Variants in ASTN2 observed in about 807,000 individuals in gnomAD.
ASTN2 encodes the protein astrotactin 2, also known as astrotactin-2.
In ASTN2, 54 loss-of-function variants were observed where a neutral mutation model predicts 139.8. The ratio of observed to expected loss-of-function variants is 0.39; its 90% CI spans 0.31 to 0.48. The LOEUF (loss-of-function observed/expected upper bound fraction) is 0.48, where lower values mean the gene tolerates loss of function less well. Among genes scored for constraint, ASTN2 ranks in the 20% least tolerant of loss-of-function variants. ASTN2 has a pLI of 0.95. For synonymous variants in ASTN2, 756 were observed against 719.5 expected (o/e 1.05, Z -0.81); for missense variants, 1,565 against 1,725.1 (o/e 0.91, Z 1.64).
chr9:117,224,771 C>T (rs1396887860), intron 2 of ASTN2, among the ~76,000 whole-genome samples: 1 of 152,152 alleles, frequency 6.6e-6, no homozygotes, highest in African/African-American at 2.4e-5. Context: ...ATCTGAAATA[C>T]CCTTCCCTCA....
At chr9:116,916,357 G>A (rs1834446433) in intron 10 of ASTN2, among the ~76,000 whole-genome samples, 1 of 152,150 alleles carries the variant, frequency 6.6e-6, no homozygotes, top group Admixed American at 6.5e-5. Context: ...GCTCAGAAAT[G>A]TCTCATCACA....
chr9:116,876,392 T>C (rs1433261164), intron 10 of ASTN2, among the ~76,000 whole-genome samples: 1 of 152,250 alleles, frequency 6.6e-6, no homozygotes, highest in Non-Finnish European at 1.5e-5. Flanking sequence ...GTGGTGAAGA[T>C]GCTGTGAATA....
chr9:117,372,468 T>C (rs925934903), intron 1 of ASTN2, among the ~76,000 whole-genome samples: 3 of 152,128 alleles, frequency 2.0e-5, no homozygotes, highest in Non-Finnish European at 2.9e-5. Context: ...GAATCCTGAA[T>C]TGGAAGGCTT....
intron 7 of ASTN2, among the ~76,000 whole-genome samples, chr9:117,002,548 T>C (rs892351791): frequency 1.3e-5 from 2 of 152,212 alleles, no homozygotes; most frequent in African/African-American, 4.8e-5. Flanking sequence ...TGCACAGTTG[T>C]TGGCGACCCA....
chr9:116,512,202 T>A (rs35990522), intron 19 of ASTN2, among the ~76,000 whole-genome samples: 7,564 of 152,286 alleles, frequency 0.05, 235 homozygotes, highest in Non-Finnish European at 0.069. Context: ...GTATGTTATG[T>A]CTTTGTTCTC....
At chr9:116,552,711 T>C (rs568044299) in intron 19 of ASTN2, among the ~76,000 whole-genome samples, 14 of 152,228 alleles carry the variant, frequency 9.2e-5, no homozygotes, top group African/African-American at 3.4e-4. Flanking sequence ...TGTTCTGGGG[T>C]AAAAAGCCCA....
At chr9:116,832,239 T>C (rs951184653) in intron 11 of ASTN2, among the ~76,000 whole-genome samples, 2 of 152,232 alleles carry the variant, frequency 1.3e-5, no homozygotes, top group Non-Finnish European at 2.9e-5. Context: ...AAATTTATTT[T>C]GTAGATTCCC....
intron 16 of ASTN2, among the ~76,000 whole-genome samples, chr9:116,678,775 C>A (rs377437320): frequency 2.6e-5 from 4 of 151,948 alleles, no homozygotes; most frequent in Non-Finnish European, 2.9e-5. Flanking sequence ...GTCTGAATAA[C>A]CAGGTTTTCT....
intron 12 of ASTN2, among the ~76,000 whole-genome samples, chr9:116,816,116 C>T (rs971590013): frequency 6.6e-6 from 1 of 152,098 alleles, no homozygotes; most frequent in African/African-American, 2.4e-5. Context: ...TAAAATGGCT[C>T]TGATGATTCC....
rs1833911962 is a variant in ASTN2 at position 117,265,088 on chromosome 9, T to C, written c.630+26238A>G. Among the ~76,000 whole-genome samples the C allele has an allele frequency of 2.6e-5, 4 of 152,184 alleles. No individual in the cohort carries two copies. The South Asian group carries it at 8.3e-4, about 32-fold the overall frequency. On this transcript the variant is annotated intron_variant, in intron 2 of 22. Transcript: ENST00000313400. ...CCAAAATCCCTGGTCAAAGGGGCCATAGAAGAAGTCTATTTAAGTTTGTCT... is the reference window on the plus strand; with the variant it reads ...CCAAAATCCCTGGTCAAAGGGGCCACAGAAGAAGTCTATTTAAGTTTGTCT...
rs180779812 is a variant in ASTN2, at chr9:117,379,708, T to C, written c.442+34789A>G. ...GTAGATCATTAGAAGCACTGAGATGTATGCCAAATTACTTAAAACGAGAGA... is the reference window on the plus strand; with the variant it reads ...GTAGATCATTAGAAGCACTGAGATGCATGCCAAATTACTTAAAACGAGAGA... On this transcript the variant is annotated intron_variant, in intron 1 of 22. Coordinates refer to ENST00000313400, the MANE Select transcript of ASTN2 (RefSeq NM_001365068.1). Among the ~76,000 whole-genome samples, 10 of 152,306 alleles carry C rather than the reference T, an allele frequency of 6.6e-5. No homozygotes were observed. The East Asian group carries it at 1.9e-3, about 29-fold the overall frequency.
chr9:116,694,425 A>G (rs1860728450), intron 16 of ASTN2, among the ~76,000 whole-genome samples: 1 of 146,580 alleles, frequency 6.8e-6, no homozygotes, highest in Non-Finnish European at 1.5e-5. Context: ...TTTAGAATTG[A>G]GAAGGGTTGC....
chr9:116,437,779 G>A (rs562501643), intron 22 of ASTN2, among the ~76,000 whole-genome samples: 3 of 152,276 alleles, frequency 2.0e-5, no homozygotes, highest in African/African-American at 7.2e-5. Flanking sequence ...CCCTCTTTTA[G>A]GTTTTATCTA....
At chr9:116,961,844 C>A (rs1257415813) in intron 10 of ASTN2, among the ~76,000 whole-genome samples, 1 of 152,188 alleles carries the variant, frequency 6.6e-6, no homozygotes. Context: ...AGATCAAAAT[C>A]TGGGCTAAAT....
chr9:116,636,404 G>A (rs1857075906), intron 17 of ASTN2, among the ~76,000 whole-genome samples: 1 of 152,216 alleles, frequency 6.6e-6, no homozygotes, highest in African/African-American at 2.4e-5. Flanking sequence ...GCTGGGTGCA[G>A]TGGCTCATGC....
chr9:117,347,502 T>C (rs1181062051), intron 1 of ASTN2, among the ~76,000 whole-genome samples: 1 of 152,044 alleles, frequency 6.6e-6, no homozygotes, highest in African/African-American at 2.4e-5. Flanking sequence ...TAACCTCATT[T>C]TATAATGAGG....
At chr9:116,728,839 C>G (rs1011354458) in intron 15 of ASTN2, among the ~76,000 whole-genome samples, 153 bp downstream of exon 15, 1 of 152,122 alleles carries the variant, frequency 6.6e-6, no homozygotes, top group African/African-American at 2.4e-5. Flanking sequence ...TCCTGTCCAC[C>G]CACCCTCCCT....
At position 116,651,574 on chromosome 9, in the gene ASTN2, C is replaced by A; in HGVS notation, c.3026G>T (p.Arg1009Leu). ...SPTPVLLEIN[R>L]VVPLYTLIQD... The stretch of plus-strand genomic sequence containing the variant: ...GATGAGGGTATAAAGTGGCACCACA[C>A]GGTTGATTTCCAGCAGCACTGGTGT... Residue 1009 changes from arginine to leucine, a missense_variant, in exon 17 of 23, where the codon CGT (arginine) becomes CTT (leucine). By Grantham distance (102) the Arg-to-Leu change is moderately radical. This residue lies in a region of ASTN2 where 418 missense variants were observed against 465.8 expected (regional missense o/e 0.90). Coordinates refer to ENST00000313400, the MANE Select transcript of ASTN2 (RefSeq NM_001365068.1). The A allele has an allele frequency of 6.2e-7, 1 of 1,614,174 alleles. No individual in the cohort carries two copies. Among genetic ancestry groups the A allele is most frequent in the Non-Finnish European group, 8.5e-7 (1 of 1,180,024 alleles).
At chr9:117,121,518 C>T (rs141082831) in intron 4 of ASTN2, among the ~76,000 whole-genome samples, 57 of 152,278 alleles carry the variant, frequency 3.7e-4, no homozygotes, top group African/African-American at 1.3e-3. Flanking sequence ...GGAATATTTC[C>T]CTGACCCATT....
Sources: allele counts gnomAD v4.1 joint callset (sites outside exome capture counted in the v4.1 genomes callset), GRCh38; gene constraint gnomAD v4.1.1; regional missense constraint gnomAD v4.1.1; transcripts MANE v1.5; gene names NCBI Gene and HGNC (gene_info 2026-07-23, HGNC 2026-07-21).